GSPT1: variants seen among roughly 807,000 people sequenced by gnomAD.
GSPT1 encodes G1 to S phase transition 1.
In GSPT1, 20 loss-of-function variants were observed where a neutral mutation model predicts 72.5. The observed-to-expected ratio is 0.28, with a 90% CI of 0.19 to 0.40. The LOEUF (loss-of-function observed/expected upper bound fraction) is 0.40. Ranked by LOEUF, GSPT1 falls within the 10% of genes least tolerant of loss-of-function variation. GSPT1 has a pLI of 1.00. For missense variants in GSPT1, 580 were observed against 811.9 expected (o/e 0.71, Z 3.47); for synonymous variants, 334 against 293.5 (o/e 1.14, Z -1.41).
intron 1 of GSPT1, among the ~76,000 whole-genome samples, chr16:11,901,493 T>G (rs1201526362): frequency 6.6e-6 from 1 of 152,092 alleles, no homozygotes; most frequent in East Asian, 1.9e-4. Flanking sequence ...AATGGAACAA[T>G]TTTTTCTAAG....
chr16:11,897,752 A>G, intron 3 of GSPT1, 88 bp downstream of exon 3: 1 of 727,824 alleles, frequency 1.4e-6, no homozygotes. Context: ...TAGGCATTAC[A>G]ATAATCGTAA....
intron 1 of GSPT1, among the ~76,000 whole-genome samples, chr16:11,900,544 C>CA (rs1174926674): frequency 6.6e-6 from 1 of 152,074 alleles, no homozygotes; most frequent in East Asian, 1.9e-4. Context: ...ATCCTGTAAT[C>CA]ACTACCATCT....
At chr16:11,889,831 G>C (rs1448699450) in intron 6 of GSPT1, among the ~76,000 whole-genome samples, 1 of 151,774 alleles carries the variant, frequency 6.6e-6, no homozygotes, top group Non-Finnish European at 1.5e-5. Flanking sequence ...GTAGAGACAG[G>C]GTTTCACCAT....
At chr16:11,898,057 T>C in intron 1 of GSPT1, 22 bp from the exon 2 acceptor site, 2 of 1,483,876 alleles carry the variant, frequency 1.3e-6, no homozygotes, top group Middle Eastern at 2.1e-4. Context: ...AAAGAAGTTC[T>C]ATTAAAAATT....
In GSPT1 at chr16:11,915,922, G is replaced by T. The variant is rs768664322; in HGVS notation, c.-202C>A. 4 of 803,028 alleles carry T rather than the reference G, an allele frequency of 5.0e-6. No individual in the cohort carries two copies. The highest frequency in any genetic ancestry group is 1.3e-5 in the South Asian group (1 of 74,582). The allele number at this position is 803,028 out of a possible 1,614,324, so 49.7% of individuals were successfully genotyped here. On this transcript the variant is annotated 5_prime_UTR_variant, in exon 1 of 15. Coordinates refer to ENST00000434724, the MANE Select transcript of GSPT1 (RefSeq NM_002094.4). ...CGCGACGACGACAGAGGCGGCGGCG[G>T]CGGCAGCTCAACCCTCCTCCTCGTG...
intron 6 of GSPT1, among the ~76,000 whole-genome samples, chr16:11,888,377 G>A (rs942518720): frequency 4.6e-5 from 7 of 151,800 alleles, no homozygotes; most frequent in Admixed American, 3.9e-4. Flanking sequence ...CAGGACAATC[G>A]CTTGAAGCTG....
chr16:11,911,852 G>GTTTTTTT (rs1248759113), intron 1 of GSPT1, among the ~76,000 whole-genome samples: 23 of 60,438 alleles, frequency 3.8e-4, no homozygotes, highest in Admixed American at 1.2e-3. Context: ...GCACCCAGCT[G>GTTTTTTT]TATTTTTTTT....
intron 3 of GSPT1, among the ~76,000 whole-genome samples, chr16:11,897,400 C>A (rs958368146): frequency 6.6e-6 from 1 of 152,134 alleles, no homozygotes; most frequent in Non-Finnish European, 1.5e-5. Context: ...TCCTGATCAA[C>A]ATGGTGAAAC....
intron 1 of GSPT1, among the ~76,000 whole-genome samples, chr16:11,902,795 C>A (rs1174733155): frequency 1.3e-5 from 2 of 151,990 alleles, no homozygotes; most frequent in Non-Finnish European, 2.9e-5. Flanking sequence ...ACGATGTTGC[C>A]AGGCTGGTCT....
intron 1 of GSPT1, among the ~76,000 whole-genome samples, chr16:11,911,884 G>C (rs1409458840): frequency 3.9e-5 from 1 of 25,654 alleles, no homozygotes; most frequent in Admixed American, 4.7e-4. Flanking sequence ...TTTTTTTTTT[G>C]TGGAGACAGG....
chr16:11,894,153 C>A (rs146817306), intron 5 of GSPT1, among the ~76,000 whole-genome samples: 4 of 48,526 alleles, frequency 8.2e-5, no homozygotes, highest in African/African-American at 1.1e-4. Context: ...GAGACCCTAT[C>A]TCAAAAAAAA....
At chr16:11,885,023 G>A (rs535836980) in intron 10 of GSPT1, among the ~76,000 whole-genome samples, 158 bp downstream of exon 10, 19 of 150,676 alleles carry the variant, frequency 1.3e-4, no homozygotes, top group South Asian at 4.2e-4. Context: ...AGCTGAGATC[G>A]CGCCACTGCA....
rs2054342438 is a variant in GSPT1 at position 11,896,586 on chromosome 16, A to G, written c.636T>C (p.His212=). 6.2e-7 allele frequency: 1 copy of G among 1,603,414 alleles called. No homozygotes were observed. The highest frequency in any genetic ancestry group is 8.5e-7 in the Non-Finnish European group (1 of 1,173,928). Residue 212 remains histidine, a synonymous_variant, in exon 4 of 15, where the codon CAT becomes CAC. Coordinates refer to ENST00000434724, the MANE Select transcript of GSPT1 (RefSeq NM_002094.4). ...CGTGCCCAATGAATACTACATTTAC[A>G]TGCTCTTTCTTAGGAGCACCTGGCG... The part of the protein sequence containing the change: ...VAPPGAPKKE[H]VNVVFIGHVD...
chr16:11,897,733 T>C, intron 3 of GSPT1, 107 bp downstream of exon 3: 1 of 687,742 alleles, frequency 1.5e-6, no homozygotes, highest in Non-Finnish European at 2.7e-6. Context: ...ACTCAATGTG[T>C]CTTAAATGTA....
intron 1 of GSPT1, among the ~76,000 whole-genome samples, chr16:11,912,876 A>T (rs2054577994): frequency 6.6e-6 from 1 of 152,138 alleles, no homozygotes; most frequent in Non-Finnish European, 1.5e-5. Context: ...GGTTCCACTT[A>T]ATTATTTCTT....
In GSPT1 at chr16:11,885,256, T is replaced by C. The variant is rs773228071; in HGVS notation, c.1272A>G (p.Pro424=). The C allele has an allele frequency of 1.1e-5, 17 of 1,565,956 alleles. No individual in the cohort carries two copies. The Admixed American group carries it at 1.7e-4, about 15-fold the overall frequency. Reference sequence around the variant, plus strand: ...TGAAGTTCGGCAAATTATCCAGATATGGAATAAACGGTAATCCACTGAGAA... The same window carrying C: ...TGAAGTTCGGCAAATTATCCAGATACGGAATAAACGGTAATCCACTGAGAA... The part of the protein sequence containing the change: ...CPWYIGLPFI[P]YLDNLPNFNR... Residue 424 remains proline, a synonymous_variant, in exon 10 of 15, where the codon CCA becomes CCG. Transcript: ENST00000434724.
At chr16:11,889,699 T>A (rs1331320440) in intron 6 of GSPT1, among the ~76,000 whole-genome samples, 1 of 151,456 alleles carries the variant, frequency 6.6e-6, no homozygotes, top group East Asian at 2.0e-4. Context: ...AGAGACAGGG[T>A]TTCTCCATGT....
intron 10 of GSPT1, among the ~76,000 whole-genome samples, chr16:11,884,962 G>C (rs948506126): frequency 1.3e-5 from 2 of 151,926 alleles, no homozygotes; most frequent in African/African-American, 4.8e-5. Flanking sequence ...TAGCTACTCA[G>C]GAGGCTGAGG....
rs745710359 is a variant in GSPT1 at position 11,915,918 on chromosome 16, G to T, written c.-198C>A. 2 of 807,996 alleles carry T rather than the reference G, an allele frequency of 2.5e-6. No individual in the cohort carries two copies. Among genetic ancestry groups the T allele is most frequent in the Non-Finnish European group, 4.3e-6 (2 of 464,768 alleles). 50.1% of individuals were successfully genotyped at this position (807,996 alleles called of 1,614,324 possible). A position where few individuals can be genotyped will look rare whatever the true frequency, so the allele number is the denominator to read the frequency against. ...CACTCGCGACGACGACAGAGGCGGC[G>T]GCGGCGGCAGCTCAACCCTCCTCCT... On this transcript the variant is annotated 5_prime_UTR_variant, in exon 1 of 15. Transcript: ENST00000434724.
Sources: gnomAD v4.1 joint callset for allele counts (sites outside exome capture counted in the v4.1 genomes callset) on GRCh38, gnomAD v4.1.1 for gene constraint, MANE v1.5 for transcripts, NCBI Gene and HGNC (gene_info 2026-07-23, HGNC 2026-07-21) for gene names.